TENM3: variants seen among roughly 807,000 people sequenced by gnomAD.
TENM3 encodes teneurin-3.
A neutral mutation model predicts 255.1 loss-of-function variants in TENM3; 63 were observed. The observed-to-expected ratio is 0.25, with a 90% CI of 0.20 to 0.30. TENM3 has a LOEUF of 0.30. Among genes scored for constraint, TENM3 ranks in the 10% least tolerant of loss-of-function variants. TENM3 has a pLI of 1.00. For synonymous variants in TENM3, 1,306 were observed against 1,322.3 expected (o/e 0.99, Z 0.27); for missense variants, 2,929 against 3,461.1 (o/e 0.85, Z 3.86).
chr4:181,711,239 A>T, the TENM3 span, among the ~76,000 whole-genome samples: 1 of 152,226 alleles, frequency 6.6e-6, no homozygotes, highest in African/African-American at 2.4e-5. Flanking sequence ...TATTGCAAAT[A>T]ATTAGAATCT....
the TENM3 span, among the ~76,000 whole-genome samples, chr4:181,860,599 T>A: frequency 1.3e-5 from 2 of 152,198 alleles, no homozygotes; most frequent in African/African-American, 4.8e-5. Flanking sequence ...TTTTCATGTT[T>A]GAGTAGACCC....
At chr4:182,203,069 T>C (rs1435457937) in intron 1 of TENM3, among the ~76,000 whole-genome samples, 1 of 151,734 alleles carries the variant, frequency 6.6e-6, no homozygotes, top group Non-Finnish European at 1.5e-5. Flanking sequence ...ATCCAAAAAT[T>C]AGCCAGGCGT....
chr4:182,660,797 A>C (rs1043814549), intron 6 of TENM3, among the ~76,000 whole-genome samples: 1 of 152,240 alleles, frequency 6.6e-6, no homozygotes, highest in African/African-American at 2.4e-5. Flanking sequence ...GATTCTGGGA[A>C]TATAGCTGTA....
chr4:182,223,443 C>T (rs557724777), intron 1 of TENM3, among the ~76,000 whole-genome samples: 15 of 151,948 alleles, frequency 9.9e-5, no homozygotes, highest in African/African-American at 3.4e-4. Flanking sequence ...AAGAACCATT[C>T]GGCCTATGCT....
the TENM3 span, among the ~76,000 whole-genome samples, chr4:181,592,086 G>A: frequency 3.9e-5 from 6 of 152,210 alleles, no homozygotes; most frequent in South Asian, 1.2e-3. Flanking sequence ...GATAAGAGGA[G>A]GAATTACAAA....
At chr4:181,969,685 G>A in the TENM3 span, among the ~76,000 whole-genome samples, 1 of 152,216 alleles carries the variant, frequency 6.6e-6, no homozygotes, top group Non-Finnish European at 1.5e-5. Context: ...TGACAGCAAA[G>A]AGTTTGAGAT....
At chr4:182,264,094 C>G (rs746128583) in intron 1 of TENM3, among the ~76,000 whole-genome samples, 11 of 152,178 alleles carry the variant, frequency 7.2e-5, no homozygotes, top group Non-Finnish European at 1.3e-4. Flanking sequence ...CTCTCTCTCT[C>G]TGTGCAAATG....
the TENM3 span, among the ~76,000 whole-genome samples, chr4:181,958,309 A>T: frequency 6.6e-6 from 1 of 152,302 alleles, no homozygotes; most frequent in East Asian, 1.9e-4. Flanking sequence ...AAATTAAATG[A>T]CAGATTTTCA....
chr4:181,752,797 A>G, the TENM3 span, among the ~76,000 whole-genome samples: 1 of 152,148 alleles, frequency 6.6e-6, no homozygotes, highest in African/African-American at 2.4e-5. Context: ...AAAAAAATAG[A>G]TCTTTTAAAA....
the TENM3 span, among the ~76,000 whole-genome samples, chr4:182,110,148 T>A: frequency 6.6e-6 from 1 of 150,678 alleles, no homozygotes; most frequent in East Asian, 2.0e-4. Flanking sequence ...AATTCACAGT[T>A]CAGTGTCCAT....
chr4:182,490,616 G>A (rs1735203641), intron 3 of TENM3, among the ~76,000 whole-genome samples: 1 of 152,164 alleles, frequency 6.6e-6, no homozygotes. Flanking sequence ...AGTGCTCAAA[G>A]TGTTGCATGA....
the TENM3 span, among the ~76,000 whole-genome samples, chr4:181,961,512 C>T: frequency 3.7e-4 from 56 of 152,114 alleles, no homozygotes; most frequent in African/African-American, 1.1e-3. Context: ...CTCTGCCTCC[C>T]GGGTTCAAGC....
At position 182,789,497 on chromosome 4, in the gene TENM3, A is replaced by G. The variant is rs935413692; in HGVS notation, c.5601+108A>G. The stretch of plus-strand genomic sequence containing the variant: ...AAACAGTGGCACATGACTGAGTTCC[A>G]TTTGTTATTCGAAGTATCAATACGG... On this transcript the variant is annotated intron_variant, in intron 25 of 27. Transcript: ENST00000511685. The surrounding 1 kb of genome is among the most constrained non-coding windows in gnomAD (Gnocchi z 4.4). 8 of 1,048,620 alleles carry G rather than the reference A, an allele frequency of 7.6e-6. No individual in the cohort carries two copies. The highest frequency in any genetic ancestry group is 1.1e-5 in the Non-Finnish European group (8 of 730,024). 65.0% of individuals were successfully genotyped at this position (1,048,620 alleles called of 1,614,324 possible).
chr4:182,359,365 G>A (rs193023704), intron 3 of TENM3, among the ~76,000 whole-genome samples: 72 of 151,204 alleles, frequency 4.8e-4, no homozygotes, highest in African/African-American at 1.5e-3. Flanking sequence ...CTTTTTGGTT[G>A]GTAAGCTATT....
upstream of TENM3, among the ~76,000 whole-genome samples, chr4:182,239,473 T>TA (rs1757106310): frequency 6.6e-6 from 1 of 152,216 alleles, no homozygotes; most frequent in South Asian, 2.1e-4. Flanking sequence ...ATTAGTAAAA[T>TA]ATATTTTGTT....
chr4:182,670,447 A>G (rs1200516503), intron 6 of TENM3, among the ~76,000 whole-genome samples: 1 of 152,154 alleles, frequency 6.6e-6, no homozygotes, highest in Non-Finnish European at 1.5e-5. Context: ...TCTGCCTCAT[A>G]CCTGGGTTAT....
chr4:181,950,876 A>T, the TENM3 span, among the ~76,000 whole-genome samples: 51 of 152,160 alleles, frequency 3.4e-4, no homozygotes, highest in African/African-American at 1.2e-3. Flanking sequence ...TCCTGTCTCT[A>T]CAAAAAATAA....
At chr4:181,506,596 G>A in the TENM3 span, among the ~76,000 whole-genome samples, 6 of 151,502 alleles carry the variant, frequency 4.0e-5, no homozygotes, top group East Asian at 2.0e-4. Flanking sequence ...CTGATACAGC[G>A]GCCAGAAATG....
chr4:182,726,355 C>G (rs1200651232), intron 13 of TENM3, among the ~76,000 whole-genome samples: 2 of 15,908 alleles, frequency 1.3e-4, no homozygotes, highest in Admixed American at 5.4e-4. Flanking sequence ...ACTGAAAAGC[C>G]CAGGAGGTCA....
Sources: allele counts gnomAD v4.1 joint callset (sites outside exome capture counted in the v4.1 genomes callset), GRCh38; gene constraint gnomAD v4.1.1; non-coding constraint Gnocchi (gnomAD v3.1); transcripts MANE v1.5; gene names NCBI Gene and HGNC (gene_info 2026-07-23, HGNC 2026-07-21).